The following AKAP13 variants were observed in gnomAD, a reference collection of about 807,000 sequenced individuals.
AKAP13 encodes A-kinase anchor protein 13.
AKAP13 carries 80 observed loss-of-function variants against 264.5 expected under a neutral mutation model. The observed-to-expected ratio is 0.30, with a 90% confidence interval of 0.25 to 0.36. AKAP13 has a LOEUF of 0.36. Ranked by LOEUF, AKAP13 falls within the 10% of genes least tolerant of loss-of-function variation. The pLI is 1.00. For missense variants in AKAP13, 3,712 were observed against 3,435.2 expected (o/e 1.08, Z -2.01); for synonymous variants, 1,380 against 1,250.2 (o/e 1.10, Z -2.19).
chr15:85,686,718 G>A (rs1005904447), intron 16 of AKAP13, among the ~76,000 whole-genome samples: 1 of 152,064 alleles, frequency 6.6e-6, no homozygotes, highest in East Asian at 1.9e-4. Flanking sequence ...TACCACTGCC[G>A]GCTTGGATAC....
chr15:85,679,693 C>G (rs2084475304), intron 14 of AKAP13, among the ~76,000 whole-genome samples: 1 of 152,178 alleles, frequency 6.6e-6, no homozygotes, highest in Non-Finnish European at 1.5e-5. Flanking sequence ...GTAGTTCCAC[C>G]CTGAAGTTCC....
intron 3 of AKAP13, among the ~76,000 whole-genome samples, chr15:85,522,127 C>A (rs977579698): frequency 4.3e-4 from 65 of 152,214 alleles, no homozygotes; most frequent in African/African-American, 1.5e-3. Context: ...TCCAGTATCA[C>A]CATTGCTGAA....
intron 2 of AKAP13, among the ~76,000 whole-genome samples, chr15:85,487,511 C>T (rs1167856745): frequency 6.6e-6 from 1 of 152,106 alleles, no homozygotes; most frequent in African/African-American, 2.4e-5. Context: ...TTGAGATGGC[C>T]ATGTAGGTTT....
chr15:85,681,158 T>C (rs185224379), intron 14 of AKAP13, among the ~76,000 whole-genome samples: 37 of 152,328 alleles, frequency 2.4e-4, no homozygotes, highest in African/African-American at 8.4e-4. Context: ...TTCAAATCTC[T>C]ATCAGATTAA....
intron 1 of AKAP13, among the ~76,000 whole-genome samples, chr15:85,394,230 C>T (rs112788887): frequency 1.8e-4 from 27 of 152,330 alleles, no homozygotes; most frequent in African/African-American, 5.1e-4. Flanking sequence ...CCATGAAGTT[C>T]TAAACATCTT....
At chr15:85,463,296 T>C (rs2074594945) in intron 1 of AKAP13, among the ~76,000 whole-genome samples, 1 of 152,228 alleles carries the variant, frequency 6.6e-6, no homozygotes, top group African/African-American at 2.4e-5. Flanking sequence ...GAACATTTTA[T>C]AAATTTAATG....
Position 85,741,456 on chromosome 15 carries a change from G to C in AKAP13, c.8019G>C (p.Glu2673Asp), listed in dbSNP as rs771840393. The stretch of plus-strand genomic sequence containing the variant: ...AGGAGCAGCTGCGCCGGGAGGCAGA[G>C]CGGCTCAGCCAGCGGCAGACAGAAC... The part of the protein sequence containing the change: ...REQEQLRREA[E>D]RLSQRQTERD... The change falls in exon 35 of 37, where the codon GAG becomes GAC. Residue 2673 changes from glutamate (E) to aspartate (D), a missense_variant. Around this residue, in one of 3 missense-constraint regions of AKAP13, gnomAD observed 611 missense variants for 539.3 expected, o/e 1.13. Coordinates refer to ENST00000394518, the MANE Select transcript of AKAP13 (RefSeq NM_007200.5). 3 of 1,606,854 alleles carry C rather than the reference G, an allele frequency of 1.9e-6. No individual in the cohort carries two copies. In the African/African-American group the frequency reaches 4.0e-5, roughly 21 times the overall value.
intron 16 of AKAP13, chr15:85,689,992 T>A (rs2085188352): frequency 6.6e-6 from 1 of 152,410 alleles, no homozygotes; most frequent in East Asian, 1.9e-4. Context: ...GCGCCCCCGC[T>A]TCTGTGAGAG....
intron 5 of AKAP13, among the ~76,000 whole-genome samples, chr15:85,553,946 C>G (rs1290202738): frequency 6.6e-6 from 1 of 152,190 alleles, no homozygotes; most frequent in African/African-American, 2.4e-5. Context: ...CAGAACCATT[C>G]CATACCCCGC....
intron 1 of AKAP13, among the ~76,000 whole-genome samples, chr15:85,439,523 A>T (rs2073514991): frequency 6.6e-6 from 1 of 150,938 alleles, no homozygotes; most frequent in African/African-American, 2.4e-5. Flanking sequence ...ATGCACACGT[A>T]TGTTTATTGC....
intron 26 of AKAP13, among the ~76,000 whole-genome samples, chr15:85,725,278 G>C (rs949031349): frequency 1.3e-5 from 2 of 151,968 alleles, no homozygotes; most frequent in African/African-American, 4.8e-5. Context: ...GTACTATGTT[G>C]GGTACTCTTT....
Position 85,580,971 on chromosome 15 carries a change from T to A in AKAP13, c.2903T>A (p.Ile968Asn), listed in dbSNP as rs2079133814. 6.8e-6 allele frequency: 11 copies of A among 1,614,100 alleles called. No individual in the cohort carries two copies. Among genetic ancestry groups the A allele is most frequent in the Non-Finnish European group, 9.3e-6 (11 of 1,179,998 alleles). ...ACTCAACAATTTCATGAAAAATCAA[T>A]CTCAGCTGACTGTGCCAAGGACAAA... ...QDTQQFHEKS[I>N]SADCAKDKAL... is the part of the protein sequence containing the mutation. The change falls in exon 7 of 37, where the codon ATC (isoleucine) becomes AAC (asparagine). Residue 968 changes from isoleucine (I) to asparagine (N), a missense_variant. By Grantham distance (149) the Ile-to-Asn change is moderately radical (BLOSUM62 -3). This residue lies in a region of AKAP13 where 2,759 missense variants were observed against 2,411.7 expected (regional missense o/e 1.14). Transcript: ENST00000394518.
rs1597149886 is a variant in AKAP13, at chr15:85,714,166, A to G, written c.5600-1622A>G. Among the ~76,000 whole-genome samples the G allele has an allele frequency of 2.0e-5, 3 of 152,264 alleles. No individual in the cohort carries two copies. The East Asian group carries it at 5.8e-4, about 29-fold the overall frequency. ...GTGTATTATATACTGTATTCTTACA[A>G]TAAATTAAGCCAAAGGAAAAAATGT... On this transcript the variant is annotated intron_variant, in intron 19 of 36. Coordinates refer to ENST00000394518, the MANE Select transcript of AKAP13 (RefSeq NM_007200.5).
intron 14 of AKAP13, among the ~76,000 whole-genome samples, chr15:85,681,081 G>T (rs2084573063): frequency 6.6e-6 from 1 of 152,104 alleles, no homozygotes. Context: ...GCCTCCCAAA[G>T]TGTTGGGATT....
At chr15:85,584,810 G>A (rs2079271661) in intron 7 of AKAP13, among the ~76,000 whole-genome samples, 1 of 152,258 alleles carries the variant, frequency 6.6e-6, no homozygotes, top group Admixed American at 6.5e-5. Context: ...CAGAGTAGTG[G>A]CATCACTAGG....
Position 85,717,271 on chromosome 15 carries a change from A to T in AKAP13, c.5736-19A>T. The T allele has an allele frequency of 6.6e-7, 1 of 1,519,784 alleles. No homozygotes were observed. The highest frequency in any genetic ancestry group is 9.1e-7 in the Non-Finnish European group (1 of 1,100,442). 94.1% of individuals were successfully genotyped at this position (1,519,784 alleles called of 1,614,324 possible). A position where few individuals can be genotyped will look rare whatever the true frequency, so the allele number is the denominator to read the frequency against. Reference sequence around the variant, plus strand: ...TATCAGAATGTATTTGACAGTATGTATTTTTCTTTTGTCCCCAGAGTTGGC... The same window carrying T: ...TATCAGAATGTATTTGACAGTATGTTTTTTTCTTTTGTCCCCAGAGTTGGC... On this transcript the variant is annotated intron_variant, in intron 20 of 36. Coordinates refer to ENST00000394518, the MANE Select transcript of AKAP13 (RefSeq NM_007200.5).
At chr15:85,638,330 A>G (rs1342708208) in intron 8 of AKAP13, among the ~76,000 whole-genome samples, 1 of 151,996 alleles carries the variant, frequency 6.6e-6, no homozygotes, top group Non-Finnish European at 1.5e-5. Context: ...GTGCTACAGT[A>G]TATGTTTGTT....
intron 2 of AKAP13, among the ~76,000 whole-genome samples, chr15:85,488,020 C>T (rs761115079): frequency 6.6e-6 from 1 of 152,226 alleles, no homozygotes; most frequent in Non-Finnish European, 1.5e-5. Flanking sequence ...ACCTCAGCCT[C>T]CTGAGTAGCT....
intron 14 of AKAP13, among the ~76,000 whole-genome samples, chr15:85,675,419 A>G (rs2084170565): frequency 6.6e-6 from 1 of 152,344 alleles, no homozygotes; most frequent in African/African-American, 2.4e-5. Context: ...CATAATAGGT[A>G]GGTACAGGGC....
Sources: gnomAD v4.1 joint callset for allele counts (sites outside exome capture counted in the v4.1 genomes callset) on GRCh38, gnomAD v4.1.1 for gene constraint, gnomAD v4.1.1 regional missense constraint, MANE v1.5 for transcripts, NCBI Gene and HGNC (gene_info 2026-07-23, HGNC 2026-07-21) for gene names.